The following TBCEL variants were observed in gnomAD, a reference collection of about 807,000 sequenced individuals.
The protein encoded by TBCEL is tubulin folding cofactor E like.
In TBCEL, 15 loss-of-function variants were observed where a neutral mutation model predicts 44.2. The ratio of observed to expected loss-of-function variants is 0.34; its 90% CI spans 0.23 to 0.52. The LOEUF (loss-of-function observed/expected upper bound fraction) is 0.52. TBCEL is among the 20% of genes least tolerant of loss of function. TBCEL has a pLI of 0.95. For missense variants in TBCEL, 319 were observed against 506.3 expected (o/e 0.63, Z 3.55); for synonymous variants, 171 against 185.4 (o/e 0.92, Z 0.63).
chr11:121,036,930 G>T (rs969030687), intron 2 of TBCEL, among the ~76,000 whole-genome samples: 1 of 152,180 alleles, frequency 6.6e-6, no homozygotes, highest in Admixed American at 6.5e-5. Context: ...CTAATACAAT[G>T]AAATAAAGAA....
intron 8 of TBCEL, among the ~76,000 whole-genome samples, chr11:121,074,964 A>G (rs895980496): frequency 6.6e-6 from 1 of 152,008 alleles, no homozygotes; most frequent in African/African-American, 2.4e-5. Flanking sequence ...ACAGTACAGT[A>G]TCACAACCAG....
chr11:121,086,894 G>A lies in TBCEL; in HGVS notation c.1073G>A (p.Ser358Asn). The A allele has an allele frequency of 6.2e-7, 1 of 1,614,066 alleles. No individual in the cohort carries two copies. The highest frequency in any genetic ancestry group is 8.5e-7 in the Non-Finnish European group (1 of 1,179,990). Residue 358 changes from serine (S) to asparagine (N), a missense_variant, in exon 9 of 9, where the codon AGC becomes AAC. Physicochemically the swap from Ser to Asn is conservative, Grantham distance 46. Transcript: ENST00000683345. ...TTTAACGATCAGGTGGAAGAAATGA[G>A]CATTCGTCTGGACCAAACAGTGGCA... The part of the protein sequence containing the change: ...VHFNDQVEEM[S>N]IRLDQTVAEL...
At chr11:121,049,916 C>T (rs936723285) in intron 4 of TBCEL, among the ~76,000 whole-genome samples, 10 of 151,738 alleles carry the variant, frequency 6.6e-5, no homozygotes, top group Admixed American at 1.3e-4. Context: ...TCCAGAGGGT[C>T]ACATACTTAT....
In TBCEL at chr11:121,060,105, C is replaced by CGG. The variant is rs1565500133; in HGVS notation, c.956+20_956+21insGG. The CGG allele has an allele frequency of 6.4e-7, 1 of 1,569,858 alleles. No individual in the cohort carries two copies. The highest frequency in any genetic ancestry group is 8.8e-7 in the Non-Finnish European group (1 of 1,141,576). On this transcript the variant is annotated intron_variant, in intron 8 of 8. Transcript: ENST00000683345. Reference sequence around the variant, plus strand: ...ATTCAGGTAAAAAATTCCCCATTGGCCAAACACTTTAGAGGGTGGTGATGC... The same window carrying CGG: ...ATTCAGGTAAAAAATTCCCCATTGGCGGCAAACACTTTAGAGGGTGGTGATGC...
chr11:121,060,147 T>C, intron 8 of TBCEL, 62 bp downstream of exon 8: 1 of 1,151,054 alleles, frequency 8.7e-7, no homozygotes, highest in Non-Finnish European at 1.3e-6. Context: ...AGAACTCTAG[T>C]GTTAGAGCAA....
intron 4 of TBCEL, among the ~76,000 whole-genome samples, chr11:121,051,869 C>T (rs1208841224): frequency 6.6e-6 from 1 of 151,844 alleles, no homozygotes; most frequent in Non-Finnish European, 1.5e-5. Context: ...AATTAATCTA[C>T]TTCTCACTGA....
Position 121,079,173 on chromosome 11 carries a change from G to A in TBCEL, c.957-7605G>A, listed in dbSNP as rs1401614761. ...TGACATTAAATAATTCTGGAGGTAGGTGAAATGCAGATATTTGGGGAAGAC... is the reference window on the plus strand; with the variant it reads ...TGACATTAAATAATTCTGGAGGTAGATGAAATGCAGATATTTGGGGAAGAC... On this transcript the variant is annotated intron_variant, in intron 8 of 8. Coordinates refer to ENST00000683345, the MANE Select transcript of TBCEL (RefSeq NM_001363644.2). Among the ~76,000 whole-genome samples the A allele has an allele frequency of 2.6e-5, 4 of 152,204 alleles. No individual in the cohort carries two copies. The South Asian group carries it at 6.2e-4, about 24-fold the overall frequency.
chr11:121,071,674 A>G (rs1945936619), intron 8 of TBCEL, among the ~76,000 whole-genome samples: 1 of 152,148 alleles, frequency 6.6e-6, no homozygotes, highest in South Asian at 2.1e-4. Flanking sequence ...GATTGTCATT[A>G]GTGGTATGCT....
intron 8 of TBCEL, among the ~76,000 whole-genome samples, chr11:121,064,468 A>T (rs898873250): frequency 8.5e-5 from 13 of 152,238 alleles, no homozygotes; most frequent in Admixed American, 6.5e-5. Flanking sequence ...TAAAGATTCC[A>T]GGACCAATTA....
chr11:121,070,757 A>G (rs1945914450), intron 8 of TBCEL, among the ~76,000 whole-genome samples: 2 of 151,750 alleles, frequency 1.3e-5, no homozygotes, highest in Admixed American at 1.3e-4. Flanking sequence ...AATATAAATG[A>G]CAAGTTAATG....
At chr11:121,068,955 T>A (rs1170685805) in intron 8 of TBCEL, among the ~76,000 whole-genome samples, 1 of 150,390 alleles carries the variant, frequency 6.6e-6, no homozygotes, top group Non-Finnish European at 1.5e-5. Flanking sequence ...TCAAGCACAC[T>A]CCCTCCTCAG....
At chr11:121,026,822 G>T (rs1220714007) in intron 1 of TBCEL, among the ~76,000 whole-genome samples, 6 of 152,122 alleles carry the variant, frequency 3.9e-5, no homozygotes, top group Non-Finnish European at 5.9e-5. Context: ...CATTAAGGAA[G>T]ATTCTTATTT....
intron 8 of TBCEL, among the ~76,000 whole-genome samples, chr11:121,068,901 AACAG>A (rs1945873119): frequency 6.6e-6 from 1 of 151,588 alleles, no homozygotes; most frequent in Non-Finnish European, 1.5e-5. Flanking sequence ...AAAAAAAAAA[AACAG>A]ACAAAAAACA....
chr11:121,080,994 G>T (rs1946114622), intron 8 of TBCEL, among the ~76,000 whole-genome samples: 1 of 152,168 alleles, frequency 6.6e-6, no homozygotes, highest in African/African-American at 2.4e-5. Flanking sequence ...TTCATTCTCT[G>T]TTCCCCTCTT....
chr11:121,057,084 T>G (rs528908575), intron 6 of TBCEL, among the ~76,000 whole-genome samples: 1 of 151,928 alleles, frequency 6.6e-6, no homozygotes, highest in Admixed American at 6.6e-5. Context: ...AATCCAGTGT[T>G]TTGCATAAGG....
At chr11:121,047,167 A>G (rs186151133) in intron 3 of TBCEL, among the ~76,000 whole-genome samples, 29 of 152,212 alleles carry the variant, frequency 1.9e-4, no homozygotes, top group African/African-American at 6.5e-4. Context: ...ATTGAGGCCT[A>G]TAAGAAAGTA....
rs1354087615 is a variant in TBCEL, at chr11:121,047,668, G to A, written c.273+1G>A. On this transcript the variant is annotated splice_donor_variant, in intron 4 of 8. Coordinates refer to ENST00000683345, the MANE Select transcript of TBCEL (RefSeq NM_001363644.2). LOFTEE classifies it high-confidence loss of function. ...CAACAAACTCGAAGACTGGCATGAG[G>A]TGAAGTTTTTATATTGCTACATTTT... 2 of 1,612,108 alleles carry A rather than the reference G, an allele frequency of 1.2e-6. No individual in the cohort carries two copies.
At chr11:121,085,131 C>T (rs531693251) in intron 8 of TBCEL, among the ~76,000 whole-genome samples, 2 of 152,050 alleles carry the variant, frequency 1.3e-5, no homozygotes, top group South Asian at 2.1e-4. Context: ...TTCCACCTCC[C>T]GGGTTCAAGC....
chr11:121,049,130 A>G (rs897788909), intron 4 of TBCEL, among the ~76,000 whole-genome samples: 1 of 151,856 alleles, frequency 6.6e-6, no homozygotes, highest in Non-Finnish European at 1.5e-5. Context: ...AAGTAGTCAA[A>G]TATTTGTTGA....
Sources: gnomAD v4.1 joint callset for allele counts (sites outside exome capture counted in the v4.1 genomes callset) on GRCh38, gnomAD v4.1.1 for gene constraint, MANE v1.5 for transcripts, NCBI Gene and HGNC (gene_info 2026-07-23, HGNC 2026-07-21) for gene names.